The following STOX2 variants were observed in gnomAD, a reference collection of about 807,000 sequenced individuals.
The protein encoded by STOX2 is storkhead-box protein 2.
A neutral mutation model predicts 60.9 loss-of-function variants in STOX2; 28 were observed. That is an observed-to-expected ratio of 0.46 (90% CI 0.34 to 0.63). The LOEUF (loss-of-function observed/expected upper bound fraction) is 0.63. Among genes scored for constraint, STOX2 ranks in the 30% least tolerant of loss-of-function variants. The pLI, the probability that STOX2 is intolerant of heterozygous loss-of-function variation, is 0.01. For synonymous variants in STOX2, 472 were observed against 463.9 expected (o/e 1.02, Z -0.22); for missense variants, 1,024 against 1,187.7 (o/e 0.86, Z 2.03).
intron 1 of STOX2, among the ~76,000 whole-genome samples, chr4:183,824,085 T>A (rs966029261): frequency 6.6e-6 from 1 of 152,190 alleles, no homozygotes; most frequent in South Asian, 2.1e-4. Context: ...TGGGAAGGCA[T>A]CAGATGTTAG....
chr4:183,970,139 CGTGTGTGTGTGTGTGTGT>C (rs3042606), intron 1 of STOX2, among the ~76,000 whole-genome samples: 9 of 126,906 alleles, frequency 7.1e-5, no homozygotes, highest in Non-Finnish European at 1.3e-4. Context: ...ACTACATGTA[CGTGTGTGTGTGTGTGTGT>C]GTGTGTGTGT....
intron 1 of STOX2, among the ~76,000 whole-genome samples, chr4:183,890,680 G>C (rs138545122): frequency 6.6e-6 from 1 of 152,124 alleles, no homozygotes; most frequent in Non-Finnish European, 1.5e-5. Context: ...TCAGTCTAAG[G>C]TCTTTGTATT....
intron 1 of STOX2, among the ~76,000 whole-genome samples, chr4:183,954,407 G>A (rs975184143): frequency 1.3e-5 from 2 of 151,950 alleles, no homozygotes; most frequent in African/African-American, 4.8e-5. Flanking sequence ...TCTTGCCTCG[G>A]ACTCCTGAGT....
chr4:183,990,490 C>T (rs59308777), intron 1 of STOX2, among the ~76,000 whole-genome samples: 88 of 147,748 alleles, frequency 6.0e-4, no homozygotes, highest in African/African-American at 2.1e-3. Flanking sequence ...ATGCTTTTTT[C>T]TGCTGTCTAC....
In STOX2 at chr4:184,011,076, G is replaced by C; in HGVS notation, c.2238G>C (p.Leu746=). Residue 746 remains leucine (L), a synonymous_variant, in exon 3 of 4, where the codon CTG becomes CTC. Transcript: ENST00000308497. This position sits in a 1 kb window ranked among gnomAD's most constrained non-coding sequence, Gnocchi z 4.4. Reference sequence around the variant, plus strand: ...GATGTGAGAAACTGGAACCGTCCCTGGGGACCTCGGCGGCACAAGCCATGC... The same window carrying C: ...GATGTGAGAAACTGGAACCGTCCCTCGGGACCTCGGCGGCACAAGCCATGC... The part of the protein sequence containing the change: ...PGRCEKLEPS[L]GTSAAQAMPA... 2 of 1,605,498 alleles carry C rather than the reference G, an allele frequency of 1.2e-6. No individual in the cohort carries two copies. The highest frequency in any genetic ancestry group is 1.7e-6 in the Non-Finnish European group (2 of 1,175,910).
intron 1 of STOX2, among the ~76,000 whole-genome samples, chr4:183,923,362 A>T (rs763118183): frequency 2.6e-5 from 4 of 152,246 alleles, no homozygotes; most frequent in African/African-American, 4.8e-5. Context: ...GTTATGAAGT[A>T]CACTCATAGC....
intron 2 of STOX2, among the ~76,000 whole-genome samples, chr4:184,005,384 G>A (rs1015984440): frequency 3.1e-4 from 5 of 15,884 alleles, no homozygotes; most frequent in African/African-American, 4.6e-4. Flanking sequence ...ACTTGAACCC[G>A]GAGGTGGAGG....
intron 1 of STOX2, among the ~76,000 whole-genome samples, chr4:183,840,842 T>C (rs1261970153): frequency 6.6e-6 from 1 of 152,204 alleles, no homozygotes; most frequent in African/African-American, 2.4e-5. Context: ...ACACTGTGGA[T>C]CTGCGGGAGA....
At chr4:184,005,511 TGTTTTAAAATA>T (rs1379534606) in intron 2 of STOX2, among the ~76,000 whole-genome samples, 1 of 70,232 alleles carries the variant, frequency 1.4e-5, no homozygotes, top group Non-Finnish European at 4.7e-5. Context: ...TGTCATGCAG[TGTTTTAAAATA>T]GTTATTTTTG....
At chr4:183,931,124 A>G (rs539688043) in intron 1 of STOX2, among the ~76,000 whole-genome samples, 1 of 152,250 alleles carries the variant, frequency 6.6e-6, no homozygotes, top group East Asian at 1.9e-4. Context: ...ACTATAATAT[A>G]TTAATTATGG....
intron 1 of STOX2, among the ~76,000 whole-genome samples, chr4:183,993,543 T>C (rs1733201020): frequency 6.6e-6 from 1 of 152,230 alleles, no homozygotes; most frequent in Admixed American, 6.5e-5. Context: ...ACTCAAATAA[T>C]AGCTTAGGAA....
At chr4:183,943,824 C>T (rs964483512) in intron 1 of STOX2, among the ~76,000 whole-genome samples, 11 of 152,196 alleles carry the variant, frequency 7.2e-5, no homozygotes, top group Non-Finnish European at 1.3e-4. Context: ...TTGCAGTTGG[C>T]TGAGATCGTG....
chr4:183,947,205 C>T (rs1742921087), intron 1 of STOX2, among the ~76,000 whole-genome samples: 2 of 152,110 alleles, frequency 1.3e-5, no homozygotes, highest in African/African-American at 4.8e-5. Flanking sequence ...CTTATAATAC[C>T]TCATACAGTG....
At position 183,997,632 on chromosome 4, in the gene STOX2, G is replaced by A. The variant is rs897298921; in HGVS notation, c.167-3693G>A. Among the ~76,000 whole-genome samples, 9 of 152,298 alleles carry A rather than the reference G, an allele frequency of 5.9e-5. No homozygotes were observed. The South Asian group carries it at 1.7e-3, about 28-fold the overall frequency. Reference sequence around the variant, plus strand: ...GGTGAGAGATGATGGCAGTTTAAGGGAGCTCCAGGGATAGAATCCAGGGGA... The same window carrying A: ...GGTGAGAGATGATGGCAGTTTAAGGAAGCTCCAGGGATAGAATCCAGGGGA... On this transcript the variant is annotated intron_variant, in intron 1 of 3. Transcript: ENST00000308497.
intron 1 of STOX2, among the ~76,000 whole-genome samples, chr4:183,895,247 A>G (rs1257944227): frequency 6.6e-6 from 1 of 152,190 alleles, no homozygotes; most frequent in Non-Finnish European, 1.5e-5. Flanking sequence ...CAAGTCCTAT[A>G]TGAACATAAG....
intron 1 of STOX2, among the ~76,000 whole-genome samples, chr4:183,962,311 C>G (rs565584595): frequency 2.0e-4 from 31 of 151,316 alleles, no homozygotes; most frequent in African/African-American, 6.6e-4. Flanking sequence ...TTTTGTGTAA[C>G]TATATAGTAA....
At position 183,933,345 on chromosome 4, in the gene STOX2, G is replaced by A. The variant is rs186465975; in HGVS notation, c.166+26389G>A. ...CTGTCTAGTTCTTATTGAAATTAAA[G>A]CATTTGCATAAAAAGCTATACAGTA... On this transcript the variant is annotated intron_variant, in intron 1 of 3. Coordinates refer to ENST00000308497, the MANE Select transcript of STOX2 (RefSeq NM_020225.3). Among the ~76,000 whole-genome samples, 388 of 152,270 alleles carry A rather than the reference G, an allele frequency of 2.5e-3. 4 individuals carry two copies. The highest frequency in any genetic ancestry group is 8.9e-3 in the African/African-American group (371 of 41,550).
chr4:184,003,125 AC>A (rs1427132347), intron 2 of STOX2, among the ~76,000 whole-genome samples: 1 of 152,250 alleles, frequency 6.6e-6, no homozygotes, highest in Admixed American at 6.5e-5. Context: ...GTTGCCAAAC[AC>A]AGTGGTCTTG....
intron 1 of STOX2, among the ~76,000 whole-genome samples, chr4:183,835,567 A>G (rs927482027): frequency 1.3e-5 from 2 of 152,132 alleles, no homozygotes; most frequent in Non-Finnish European, 2.9e-5. Context: ...ATGTCCAGTA[A>G]TAGTTTTTAA....
Sources: allele counts gnomAD v4.1 joint callset (sites outside exome capture counted in the v4.1 genomes callset), GRCh38; gene constraint gnomAD v4.1.1; non-coding constraint Gnocchi (gnomAD v3.1); transcripts MANE v1.5; gene names NCBI Gene and HGNC (gene_info 2026-07-23, HGNC 2026-07-21).